The following MUC17 variants were observed in gnomAD, a reference collection of about 807,000 sequenced individuals.
The protein encoded by MUC17 is mucin-17.
In MUC17, 190 loss-of-function variants were observed where a neutral mutation model predicts 170.3. The observed-to-expected ratio is 1.12, with a 90% confidence interval of 0.99 to 1.26. The LOEUF is 1.26. Ranked by LOEUF, MUC17 falls within the 50% of genes most tolerant of loss-of-function variation. The pLI, the probability that MUC17 is intolerant of heterozygous loss-of-function variation, is 0.00. For missense variants in MUC17, 6,415 were observed against 5,530.0 expected (o/e 1.16, Z -5.08); for synonymous variants, 2,325 against 2,002.5 (o/e 1.16, Z -4.30).
Position 101,041,993 on chromosome 7 carries a change from C to T in MUC17, c.10577C>T (p.Thr3526Ile), listed in dbSNP as rs1016425896. Residue 3526 changes from threonine to isoleucine, a missense_variant, in exon 3 of 13, where the codon ACC becomes ATC. Physicochemically the swap from Thr to Ile is moderately conservative, Grantham distance 89 (BLOSUM62 -1). Transcript: ENST00000306151. ...STPLTNMPVSTTPVASSEAST... is the reference protein window; with the variant it reads ...STPLTNMPVSITPVASSEAST... The stretch of plus-strand genomic sequence containing the variant: ...CCATTAACAAATATGCCTGTCAGCA[C>T]CACACCGGTGGCCAGTTCTGAGGCT... The T allele has an allele frequency of 6.2e-7, 1 of 1,613,640 alleles. No homozygotes were observed. Among genetic ancestry groups the T allele is most frequent in the Admixed American group, 1.7e-5 (1 of 59,990 alleles).
chr7:101,036,485 C>T lies in MUC17; in HGVS notation c.5069C>T (p.Thr1690Ile), dbSNP rs771084387. The T allele has an allele frequency of 1.2e-6, 2 of 1,610,804 alleles. No homozygotes were observed. ...MPTSTYTEGR[T>I]PLTSITVRTT... is the part of the protein sequence containing the mutation. ...ACCTCAACTTATACTGAAGGAAGAA[C>T]TCCTTTAACAAGTATAACTGTCAGA... The change falls in exon 3 of 13, where the codon ACT (threonine) becomes ATT (isoleucine). Residue 1690 changes from threonine to isoleucine, a missense_variant. Physicochemically the swap from Thr to Ile is moderately conservative, Grantham distance 89. Transcript: ENST00000306151.
At chr7:101,055,514 C>T (rs1226217633) in intron 11 of MUC17, among the ~76,000 whole-genome samples, 4 of 152,028 alleles carry the variant, frequency 2.6e-5, no homozygotes, top group Non-Finnish European at 5.9e-5. Flanking sequence ...AGTACAATCT[C>T]GAAATAGATA....
chr7:101,029,091 G>A (rs1481051076), intron 1 of MUC17, among the ~76,000 whole-genome samples: 2 of 151,566 alleles, frequency 1.3e-5, no homozygotes, highest in East Asian at 3.9e-4. Context: ...GGGAGGCTGA[G>A]GCAGGAGAAT....
chr7:101,040,723 G>T lies in MUC17; in HGVS notation c.9307G>T (p.Gly3103Ter), dbSNP rs1445639514. 6.2e-7 allele frequency: 1 copy of T among 1,612,498 alleles called. No individual in the cohort carries two copies. The highest frequency in any genetic ancestry group is 8.5e-7 in the Non-Finnish European group (1 of 1,179,652). The change falls in exon 3 of 13, where the codon GGA (glycine) becomes TGA (stop). Residue 3103 changes from glycine to a stop codon, truncating the protein, a stop_gained. Transcript: ENST00000306151. LOFTEE classifies it high-confidence loss of function. ...CATGCCAATCTCAACTTATAGTGAA[G>T]GAAGCACTCCATTAACAGGTGTGCC... ...TSMPISTYSE[G>*]STPLTGVPVS...
Position 101,049,356 on chromosome 7 carries a change from T to G in MUC17, c.12696T>G (p.Tyr4232Ter), listed in dbSNP as rs1336042290. 1.2e-6 allele frequency: 2 copies of G among 1,613,618 alleles called. No individual in the cohort carries two copies. The highest frequency in any genetic ancestry group is 2.7e-5 in the African/African-American group (2 of 74,894). ...TTGTGTATTCCGGGATCCCTGAGTATGTCGGGGTGAACATCACAAAGCTAC... is the reference window on the plus strand; with the variant it reads ...TTGTGTATTCCGGGATCCCTGAGTAGGTCGGGGTGAACATCACAAAGCTAC... The part of the protein sequence containing the change: ...MNIVYSGIPE[Y>*]VGVNITKLRL... The change falls in exon 6 of 13, where the codon TAT becomes TAG. Residue 4232 changes from tyrosine (Y) to a stop codon, truncating the protein, a stop_gained. Transcript: ENST00000306151. LOFTEE classifies it high-confidence loss of function.
rs1794481638 is a variant in MUC17 at position 101,036,446 on chromosome 7, G to A, written c.5030G>A (p.Gly1677Asp). The A allele has an allele frequency of 1.2e-6, 2 of 1,611,002 alleles. No homozygotes were observed. The highest frequency in any genetic ancestry group is 1.7e-6 in the Non-Finnish European group (2 of 1,178,390). Residue 1677 changes from glycine to aspartate, a missense_variant, in exon 3 of 13, where the codon GGT becomes GAT. Physicochemically the swap from Gly to Asp is moderately conservative, Grantham distance 94. Transcript: ENST00000306151. ...EVSSSPTPAE[G>D]TSMPTSTYTE... ...AGTTCATCTCCTACACCTGCTGAAG[G>A]TACCAGCATGCCAACCTCAACTTAT...
Position 101,031,714 on chromosome 7 carries a change from T to C in MUC17, c.298T>C (p.Ser100Pro). The C allele has an allele frequency of 6.2e-7, 1 of 1,612,674 alleles. No homozygotes were observed. The highest frequency in any genetic ancestry group is 8.5e-7 in the Non-Finnish European group (1 of 1,178,946). Residue 100 changes from serine (S) to proline (P), a missense_variant, in exon 3 of 13, where the codon TCA becomes CCA. Physicochemically the swap from Ser to Pro is moderately conservative, Grantham distance 74. Transcript: ENST00000306151. ...EMTSIESSVT[S>P]DTPGVSSTRM... Reference sequence around the variant, plus strand: ...GACCTCGATTGAGTCCAGTGTGACTTCAGACACTCCTGGTGTCTCCAGTAC... The same window carrying C: ...GACCTCGATTGAGTCCAGTGTGACTCCAGACACTCCTGGTGTCTCCAGTAC...
In MUC17 at chr7:101,039,827, C is replaced by A; in HGVS notation, c.8411C>A (p.Thr2804Asn). 6.2e-7 allele frequency: 1 copy of A among 1,610,904 alleles called. No homozygotes were observed. Residue 2804 changes from threonine (T) to asparagine (N), a missense_variant, in exon 3 of 13, where the codon ACT (threonine) becomes AAT (asparagine). Coordinates refer to ENST00000306151, the MANE Select transcript of MUC17 (RefSeq NM_001040105.2). ...TAEVTSMPTS[T>N]PSETSTPLTS... is the part of the protein sequence containing the mutation. ...GAAGTTACCAGCATGCCAACCTCAA[C>A]TCCTAGTGAAACAAGTACTCCATTA...
chr7:101,053,417 T>C lies in MUC17; in HGVS notation c.13344T>C (p.Ile4448=), dbSNP rs767310516. ...SGPAPGTFQN[I]GFDICQDDDS... is the part of the protein sequence containing the mutation. ...CAGCTCCTGGGACCTTCCAAAACATTGGCTTTGACATCTGCCAAGGTATTG... is the reference window on the plus strand; with the variant it reads ...CAGCTCCTGGGACCTTCCAAAACATCGGCTTTGACATCTGCCAAGGTATTG... Residue 4448 remains isoleucine (I), a synonymous_variant, in exon 11 of 13, where the codon ATT becomes ATC. Transcript: ENST00000306151. 5 of 1,613,496 alleles carry C rather than the reference T, an allele frequency of 3.1e-6. No homozygotes were observed. The highest frequency in any genetic ancestry group is 4.2e-6 in the Non-Finnish European group (5 of 1,179,894).
intron 12 of MUC17, among the ~76,000 whole-genome samples, chr7:101,057,576 C>A (rs1234972845): frequency 6.6e-6 from 1 of 152,136 alleles, no homozygotes; most frequent in Non-Finnish European, 1.5e-5. Flanking sequence ...GACTCTGTTG[C>A]TATAAAAGAA....
At chr7:101,030,647 T>C (rs1005825816) in intron 1 of MUC17, among the ~76,000 whole-genome samples, 15 of 152,198 alleles carry the variant, frequency 9.9e-5, no homozygotes, top group East Asian at 5.8e-4. Context: ...TAGCTCATTA[T>C]GAACATGATC....
At chr7:101,055,023 G>A (rs1456784253) in intron 11 of MUC17, among the ~76,000 whole-genome samples, 4 of 151,682 alleles carry the variant, frequency 2.6e-5, no homozygotes, top group African/African-American at 4.8e-5. Flanking sequence ...CAGGAGAATC[G>A]CTGGAACCTG....
rs1321358485 is a variant in MUC17, at chr7:101,056,192, AGAT to A, written c.13369_13371del (p.Asp4457del). ...CCATGGTGCTTTCCATCCCTCCACA[AGAT>A]GATGATTCCATCCACCTGGAGTCCA... On this transcript the variant is annotated splice_acceptor_variant and coding_sequence_variant, in exon 12 of 13. Coordinates refer to ENST00000306151, the MANE Select transcript of MUC17 (RefSeq NM_001040105.2). LOFTEE classifies it high-confidence loss of function. The A allele has an allele frequency of 2.5e-6, 4 of 1,613,820 alleles. No homozygotes were observed. The highest frequency in any genetic ancestry group is 3.4e-6 in the Non-Finnish European group (4 of 1,179,854).
In MUC17 at chr7:101,049,513, G is replaced by A. The variant is rs540741845; in HGVS notation, c.12722+131G>A. 42 of 1,254,684 alleles carry A rather than the reference G, an allele frequency of 3.3e-5. No individual in the cohort carries two copies. In the East Asian group the frequency reaches 5.5e-4, roughly 17 times the overall value. 77.7% of individuals were successfully genotyped at this position (1,254,684 alleles called of 1,614,324 possible). A position where few individuals can be genotyped will look rare whatever the true frequency, so the allele number is the denominator to read the frequency against. The stretch of plus-strand genomic sequence containing the variant: ...TATTGCAGAATACCACCGATGGGGC[G>A]GCTTAAACAACAGAAATCTATTTCT... On this transcript the variant is annotated intron_variant, in intron 6 of 12. Coordinates refer to ENST00000306151, the MANE Select transcript of MUC17 (RefSeq NM_001040105.2).
intron 4 of MUC17, among the ~76,000 whole-genome samples, chr7:101,048,625 AAAAG>A (rs977528810): frequency 3.3e-5 from 5 of 151,982 alleles, no homozygotes; most frequent in East Asian, 1.9e-4. Context: ...AAGGAAGGAA[AAAAG>A]AAAGAAAGAA....
Position 101,042,446 on chromosome 7 carries a change from T to C in MUC17, c.11030T>C (p.Val3677Ala), listed in dbSNP as rs111869242. 6.0e-4 allele frequency: 962 copies of C among 1,612,722 alleles called. 9 individuals are homozygous for C. The African/African-American group carries it at 0.011, about 19-fold the overall frequency. The change falls in exon 3 of 13, where the codon GTG becomes GCG. Residue 3677 changes from valine (V) to alanine (A), a missense_variant. Val to Ala is a moderately conservative substitution (Grantham distance 64). Transcript: ENST00000306151. ...ITSTQVSSSP[V>A]TPEGTTMPIW... ...TCTACCCAAGTCAGTTCATCTCCTG[T>C]GACTCCTGAAGGTACCACCATGCCA... is the stretch of plus-strand genomic sequence containing the variant.
At position 101,034,860 on chromosome 7, in the gene MUC17, C is replaced by G; in HGVS notation, c.3444C>G (p.Thr1148=). The G allele has an allele frequency of 1.2e-6, 2 of 1,613,078 alleles. No homozygotes were observed. The highest frequency in any genetic ancestry group is 1.1e-5 in the South Asian group (1 of 90,998). The change falls in exon 3 of 13, where the codon ACC becomes ACG. Residue 1148 remains threonine (T), a synonymous_variant. Transcript: ENST00000306151. Reference sequence around the variant, plus strand: ...CATCTCCTACAACTGCTGAAGGTACCAGCATACCAACCTCACCTCCCAGTG... The same window carrying G: ...CATCTCCTACAACTGCTGAAGGTACGAGCATACCAACCTCACCTCCCAGTG... ...ASSSPTTAEG[T]SIPTSPPSEG...
chr7:101,053,277 T>C (rs1303016796), intron 10 of MUC17, 62 bp from the exon 11 acceptor site: 1 of 1,586,316 alleles, frequency 6.3e-7, no homozygotes, highest in African/African-American at 1.3e-5. Context: ...ATACAGCTTG[T>C]CCCTGGTCCT....
chr7:101,049,435 T>C, intron 6 of MUC17, 53 bp downstream of exon 6: 5 of 1,579,690 alleles, frequency 3.2e-6, no homozygotes, highest in Non-Finnish European at 1.7e-6. Flanking sequence ...GCAGTGGTCA[T>C]AGTTATAAAG....
Sources: allele counts gnomAD v4.1 joint callset (sites outside exome capture counted in the v4.1 genomes callset), GRCh38; gene constraint gnomAD v4.1.1; transcripts MANE v1.5; gene names NCBI Gene and HGNC (gene_info 2026-07-23, HGNC 2026-07-21).